The following SGK2 variants were observed in gnomAD, a reference collection of about 807,000 sequenced individuals.
The protein encoded by SGK2 is serum/glucocorticoid regulated kinase 2.
A neutral mutation model predicts 47.5 loss-of-function variants in SGK2; 36 were observed. The observed-to-expected ratio is 0.76, with a 90% confidence interval of 0.58 to 1.00. The LOEUF (loss-of-function observed/expected upper bound fraction) is 1.00, where lower values mean the gene tolerates loss of function less well. Among genes scored for constraint, SGK2 ranks in the 50% least tolerant of loss-of-function variants. SGK2 has a pLI of 0.00. For missense variants in SGK2, 404 were observed against 467.4 expected, an observed-to-expected ratio of 0.86 and a Z score of 1.25; for synonymous variants, 157 against 181.9, an observed-to-expected ratio of 0.86 and a Z score of 1.10.
At chr20:43,576,550 TTC>T (rs1980474283) in intron 11 of SGK2, among the ~76,000 whole-genome samples, 171 bp downstream of exon 11, 1 of 152,272 alleles carries the variant, frequency 6.6e-6, no homozygotes, top group Non-Finnish European at 1.5e-5. Context: ...TCCAGTCTAG[TTC>T]TCTTAGTCAA....
rs559918686 is a variant in SGK2 at position 43,572,139 on chromosome 20, T to C, written c.597+2T>C. On this transcript the variant is annotated splice_donor_variant, in intron 9 of 12. Coordinates refer to ENST00000373100, the MANE Select transcript of SGK2 (RefSeq NM_170693.3). LOFTEE classifies it high-confidence loss of function. The surrounding 1 kb of genome is among the most constrained non-coding windows in gnomAD (Gnocchi z 4.2). ...TCCACATTCTGTGGTACCCCTGAGG[T>C]AAGCGTAAACATCCCAGGAGAGGGG... is the stretch of plus-strand genomic sequence containing the variant. The C allele has an allele frequency of 5.1e-5, 79 of 1,545,936 alleles. 2 individuals are homozygous for C. In the South Asian group the frequency reaches 8.6e-4, roughly 17 times the overall value.
intron 1 of SGK2, among the ~76,000 whole-genome samples, chr20:43,560,220 C>T (rs556984037): frequency 3.9e-5 from 6 of 152,152 alleles, no homozygotes; most frequent in African/African-American, 9.6e-5. Context: ...AATAACCGGC[C>T]GGGTACAGTG....
chr20:43,571,069 GTGTGT>G lies in SGK2; in HGVS notation c.510+10_510+14del, dbSNP rs747016102. The G allele has an allele frequency of 7.9e-5, 26 of 330,144 alleles. No homozygotes were observed. Among genetic ancestry groups the G allele is most frequent in the Admixed American group, 4.2e-4 (5 of 11,794 alleles). 20.5% of individuals were successfully genotyped at this position (330,144 alleles called of 1,614,324 possible). ...TTCTCTTGGACTGCCAGGTTGGTGT[GTGTGT>G]GTGTGTGTGTGTGTGTGTGTGTGTG... On this transcript the variant is annotated intron_variant, in intron 8 of 12. Coordinates refer to ENST00000373100, the MANE Select transcript of SGK2 (RefSeq NM_170693.3).
chr20:43,574,371 G>A (rs772339757), intron 9 of SGK2, among the ~76,000 whole-genome samples: 1 of 152,176 alleles, frequency 6.6e-6, no homozygotes, highest in East Asian at 1.9e-4. Context: ...TGACCCTAGG[G>A]TTTCCAGCAC....
In SGK2 at chr20:43,566,636, C is replaced by A. The variant is rs573461100; in HGVS notation, c.36+105C>A. On this transcript the variant is annotated intron_variant, in intron 2 of 12. Coordinates refer to ENST00000373100, the MANE Select transcript of SGK2 (RefSeq NM_170693.3). ...ATGTCAGGGGCTGAGAGGGTTACTG[C>A]GAGCACATAGAAATGAGCCACTTGC... The A allele has an allele frequency of 6.2e-5, 48 of 771,564 alleles. No homozygotes were observed. In the African/African-American group the frequency reaches 7.7e-4, roughly 12 times the overall value. The allele number at this position is 771,564 out of a possible 1,614,324, so 47.8% of individuals were successfully genotyped here. A position where few individuals can be genotyped will look rare whatever the true frequency, so the allele number is the denominator to read the frequency against.
intron 1 of SGK2, chr20:43,566,078 T>A (rs1190718251): frequency 4.7e-6 from 2 of 429,550 alleles, no homozygotes; most frequent in African/African-American, 4.0e-5. Context: ...CCACAGGCCT[T>A]CCATCTGTGA....
At chr20:43,566,383 G>A (rs1979713734) in intron 1 of SGK2, 90 bp from the exon 2 acceptor site, 1 of 1,614,084 alleles carries the variant, frequency 6.2e-7, no homozygotes, top group Admixed American at 1.7e-5. Flanking sequence ...AGGGGAGGAT[G>A]GAGAGGGCAG....
intron 5 of SGK2, among the ~76,000 whole-genome samples, chr20:43,568,919 G>T (rs964199804): frequency 6.6e-6 from 1 of 152,194 alleles, no homozygotes; most frequent in South Asian, 2.1e-4. Context: ...GGTCTCCGTG[G>T]GGGGTGGAAT....
rs79748838 is a variant in SGK2 at position 43,561,723 on chromosome 20, C to A, written c.-24+2564C>A. 4.7e-3 allele frequency among the ~76,000 whole-genome samples: 609 copies of A among 130,804 alleles called. 3 individuals are homozygous for A. Among genetic ancestry groups the A allele is most frequent in the South Asian group, 0.01 (44 of 4,228 alleles). 85.8% of individuals were successfully genotyped at this position (130,804 alleles called of 152,430 possible). A position where few individuals can be genotyped will look rare whatever the true frequency, so the allele number is the denominator to read the frequency against. On this transcript the variant is annotated intron_variant, in intron 1 of 12. Transcript: ENST00000373100. The stretch of plus-strand genomic sequence containing the variant: ...TTTTAATTCTAGGTGTGTTGAGAAA[C>A]CACTGGAGTTTTTGAGCAACTAAGG...
chr20:43,579,820 C>T (rs1980679570), intron 11 of SGK2, 152 bp from the exon 12 acceptor site: 1 of 639,842 alleles, frequency 1.6e-6, no homozygotes, highest in Non-Finnish European at 2.8e-6. Context: ...GGCTGCAAAA[C>T]TCTCTTGTCC....
At position 43,575,426 on chromosome 20, in the gene SGK2, C is replaced by T. The variant is rs567350821; in HGVS notation, c.693+422C>T. Among the ~76,000 whole-genome samples, 8 of 144,804 alleles carry T rather than the reference C, an allele frequency of 5.5e-5. No individual in the cohort carries two copies. The South Asian group carries it at 1.5e-3, about 27-fold the overall frequency. The allele number at this position is 144,804 out of a possible 152,430, so 95.0% of individuals were successfully genotyped here. A position where few individuals can be genotyped will look rare whatever the true frequency, so the allele number is the denominator to read the frequency against. ...CTGCAGTGAACCGCGGTCGCACCAC[C>T]GCATATCCAGTCTGGGTGACGGAGG... On this transcript the variant is annotated intron_variant, in intron 10 of 12. Coordinates refer to ENST00000373100, the MANE Select transcript of SGK2 (RefSeq NM_170693.3).
intron 1 of SGK2, 148 bp from the exon 2 acceptor site, chr20:43,566,323 GGT>G (rs1568660672): frequency 6.2e-7 from 1 of 1,610,900 alleles, no homozygotes; most frequent in Non-Finnish European, 8.5e-7. Context: ...TCCATGCAGG[GGT>G]TGCTTACCTC....
intron 2 of SGK2, 80 bp from the exon 3 acceptor site, chr20:43,566,988 A>G: frequency 1.7e-6 from 2 of 1,162,564 alleles, no homozygotes; most frequent in Non-Finnish European, 2.6e-6. Context: ...TTGTTGGAGA[A>G]GGGATCAGGG....
At chr20:43,570,904 TG>T in intron 7 of SGK2, 119 bp from the exon 8 acceptor site, 2 of 1,506,778 alleles carry the variant, frequency 1.3e-6, no homozygotes, top group Non-Finnish European at 9.1e-7. Context: ...GCTCTCCTTC[TG>T]CATCTCTGGC....
intron 1 of SGK2, chr20:43,564,944 C>T (rs755891665): frequency 1.3e-5 from 2 of 152,660 alleles, no homozygotes; most frequent in Non-Finnish European, 2.9e-5. Flanking sequence ...CAGTACACAC[C>T]ATGCTGCACA....
intron 6 of SGK2, 26 bp from the exon 7 acceptor site, chr20:43,570,591 C>T: frequency 6.5e-7 from 1 of 1,530,102 alleles, no homozygotes; most frequent in Non-Finnish European, 9.0e-7. Flanking sequence ...CCCAATAACT[C>T]CTGTCACACT....
chr20:43,567,784 T>A, intron 4 of SGK2, 62 bp downstream of exon 4: 1 of 1,578,652 alleles, frequency 6.3e-7, no homozygotes, highest in Non-Finnish European at 8.7e-7. Flanking sequence ...TTCCAGCCCC[T>A]GCTGCCACTT....
rs766451038 is a variant in SGK2, at chr20:43,570,692, G to A, written c.436G>A (p.Ala146Thr). 21 of 1,613,314 alleles carry A rather than the reference G, an allele frequency of 1.3e-5. No homozygotes were observed. Among genetic ancestry groups the A allele is most frequent in the South Asian group, 1.1e-4 (10 of 91,060 alleles). Residue 146 changes from alanine to threonine, a missense_variant, in exon 7 of 13, where the codon GCC (alanine) becomes ACC (threonine). Transcript: ENST00000373100. ...ARFYAAEVASAIGYLHSLNII... is the reference protein window; with the variant it reads ...ARFYAAEVASTIGYLHSLNII... ...GTTCTACGCTGCTGAGGTGGCCAGC[G>A]CCATTGGCTACCTGCACTCCCTCAA...
intron 5 of SGK2, among the ~76,000 whole-genome samples, chr20:43,568,243 G>T (rs989219513): frequency 1.3e-5 from 2 of 152,196 alleles, no homozygotes; most frequent in South Asian, 2.1e-4. Flanking sequence ...GGGAAACACA[G>T]GCTCCACGAT....
Sources: allele counts gnomAD v4.1 joint callset (sites outside exome capture counted in the v4.1 genomes callset), GRCh38; gene constraint gnomAD v4.1.1; non-coding constraint Gnocchi (gnomAD v3.1); transcripts MANE v1.5; gene names NCBI Gene and HGNC (gene_info 2026-07-23, HGNC 2026-07-21).